Variants in SDK1 observed in about 807,000 individuals in gnomAD.
SDK1 encodes protein sidekick-1.
SDK1 carries 157 observed loss-of-function variants against 245.5 expected under a neutral mutation model. The ratio of observed to expected loss-of-function variants is 0.64; its 90% confidence interval spans 0.56 to 0.73. The LOEUF is 0.73. Ranked by LOEUF, SDK1 falls within the 30% of genes least tolerant of loss-of-function variation. The pLI is 0.00. For missense variants in SDK1, 3,583 were observed against 3,002.3 expected (o/e 1.19, Z -4.52); for synonymous variants, 1,647 against 1,278.5 (o/e 1.29, Z -6.15).
chr7:3,770,284 G>A (rs536232291), intron 4 of SDK1, among the ~76,000 whole-genome samples: 10 of 152,124 alleles, frequency 6.6e-5, no homozygotes, highest in East Asian at 1.9e-4. Context: ...ATGGCTATAC[G>A]TATTAATAAC....
chr7:3,770,796 A>C (rs1328597638), intron 4 of SDK1, among the ~76,000 whole-genome samples: 2 of 152,142 alleles, frequency 1.3e-5, no homozygotes, highest in Non-Finnish European at 2.9e-5. Context: ...ACTCCTGTTC[A>C]GCTCAGGTAA....
intron 1 of SDK1, among the ~76,000 whole-genome samples, chr7:3,381,743 G>T (rs1041218848): frequency 1.3e-5 from 2 of 152,164 alleles, no homozygotes; most frequent in Admixed American, 1.3e-4. Flanking sequence ...AAGAAGGCAG[G>T]AAAGGTGTGT....
At chr7:3,877,258 G>A (rs1007323264) in intron 5 of SDK1, among the ~76,000 whole-genome samples, 2 of 152,150 alleles carry the variant, frequency 1.3e-5, no homozygotes, top group African/African-American at 4.8e-5. Context: ...TGGAGAGTCC[G>A]CCTCTCTGAG....
At chr7:4,238,107 T>G (rs1038690766) in intron 42 of SDK1, among the ~76,000 whole-genome samples, 3 of 151,612 alleles carry the variant, frequency 2.0e-5, no homozygotes, top group African/African-American at 7.3e-5. Flanking sequence ...TTTTTTACAG[T>G]CTCACTCTGT....
At chr7:3,357,424 A>C (rs1373698918) in intron 1 of SDK1, among the ~76,000 whole-genome samples, 4 of 130,470 alleles carry the variant, frequency 3.1e-5, no homozygotes, top group Non-Finnish European at 6.1e-5. Flanking sequence ...ATCACGGCTC[A>C]CTGCAGCCTC....
At chr7:3,561,397 G>T (rs1249079625) in intron 1 of SDK1, among the ~76,000 whole-genome samples, 2 of 152,162 alleles carry the variant, frequency 1.3e-5, no homozygotes, top group Non-Finnish European at 2.9e-5. Context: ...CTCCTCTCTG[G>T]TCACTTGTTT....
In SDK1 at chr7:4,265,631, A is replaced by T. The variant is rs965196876; in HGVS notation, c.*247A>T. On this transcript the variant is annotated 3_prime_UTR_variant, in exon 45 of 45. Transcript: ENST00000404826. Reference sequence around the variant, plus strand: ...TTCTTTTCTTTTTAAGAGAAGGTGTATTTCACTGGTGCAATGGCTTGGCAC... The same window carrying T: ...TTCTTTTCTTTTTAAGAGAAGGTGTTTTTCACTGGTGCAATGGCTTGGCAC... The T allele has an allele frequency of 7.6e-7, 1 of 1,310,608 alleles. No homozygotes were observed. Among genetic ancestry groups the T allele is most frequent in the African/African-American group, 1.6e-5 (1 of 64,030 alleles). The allele number at this position is 1,310,608 out of a possible 1,614,324, so 81.2% of individuals were successfully genotyped here.
At chr7:3,622,071 G>C (rs1484172532) in intron 2 of SDK1, among the ~76,000 whole-genome samples, 1 of 152,114 alleles carries the variant, frequency 6.6e-6, no homozygotes, top group East Asian at 1.9e-4. Context: ...GCTAAACCGT[G>C]GTGTCTATGA....
intron 4 of SDK1, among the ~76,000 whole-genome samples, chr7:3,673,714 T>C (rs1783794809): frequency 6.6e-6 from 1 of 152,178 alleles, no homozygotes; most frequent in Non-Finnish European, 1.5e-5. Context: ...GGCCCAAAAC[T>C]GCGCCCCCTG....
rs200645151 is a variant in SDK1 at position 3,457,612 on chromosome 7, C to G, written c.298+155728C>G. ...CTATGTATTTATGATTAGCTCATCTCTAAACTGTATGAATTTCAGCTTAAT... is the reference window on the plus strand; with the variant it reads ...CTATGTATTTATGATTAGCTCATCTGTAAACTGTATGAATTTCAGCTTAAT... On this transcript the variant is annotated intron_variant, in intron 1 of 44. Coordinates refer to ENST00000404826, the MANE Select transcript of SDK1 (RefSeq NM_152744.4). Among the ~76,000 whole-genome samples, 5 of 152,304 alleles carry G rather than the reference C, an allele frequency of 3.3e-5. No homozygotes were observed. In the East Asian group the frequency reaches 7.7e-4, roughly 24 times the overall value.
chr7:3,342,412 AAC>A (rs1780372411), intron 1 of SDK1, among the ~76,000 whole-genome samples: 3 of 152,046 alleles, frequency 2.0e-5, no homozygotes, highest in Admixed American at 1.3e-4. Context: ...GACATGGAGA[AAC>A]ACCGTCTCTA....
intron 1 of SDK1, among the ~76,000 whole-genome samples, chr7:3,444,290 A>T (rs1419310970): frequency 2.0e-5 from 3 of 152,144 alleles, no homozygotes; most frequent in Admixed American, 2.0e-4. Context: ...TGCCTGTTGG[A>T]CATCTCCACT....
chr7:4,219,924 A>C (rs1785046104), intron 38 of SDK1, among the ~76,000 whole-genome samples, 185 bp from the exon 39 acceptor site: 2 of 151,796 alleles, frequency 1.3e-5, no homozygotes, highest in Admixed American at 6.6e-5. Flanking sequence ...TACCAAGCTT[A>C]AGCTCTAATT....
In SDK1 at chr7:4,049,396, C is replaced by T. The variant is rs1789271455; in HGVS notation, c.2651C>T (p.Thr884Ile). Residue 884 changes from threonine to isoleucine, a missense_variant, in exon 18 of 45, where the codon ACC (threonine) becomes ATC (isoleucine). Thr to Ile is a moderately conservative substitution (Grantham distance 89). Coordinates refer to ENST00000404826, the MANE Select transcript of SDK1 (RefSeq NM_152744.4). Reference sequence around the variant, plus strand: ...GTGCAGACGGAAGCCGTGAACTCCACCACCATTCAGTTCCTGTGGAACCCT... The same window carrying T: ...GTGCAGACGGAAGCCGTGAACTCCATCACCATTCAGTTCCTGTGGAACCCT... ...QNVQTEAVNS[T>I]TIQFLWNPPP... The T allele has an allele frequency of 3.7e-6, 6 of 1,614,072 alleles. No individual in the cohort carries two copies. The highest frequency in any genetic ancestry group is 4.2e-6 in the Non-Finnish European group (5 of 1,180,040).
chr7:3,432,254 G>A (rs1354426713), intron 1 of SDK1, among the ~76,000 whole-genome samples: 1 of 151,310 alleles, frequency 6.6e-6, no homozygotes, highest in African/African-American at 2.4e-5. Flanking sequence ...CTGTATTTTG[G>A]CTATCGTGAT....
At chr7:3,608,913 G>A (rs1457149062) in intron 1 of SDK1, among the ~76,000 whole-genome samples, 1 of 152,130 alleles carries the variant, frequency 6.6e-6, no homozygotes, top group Admixed American at 6.6e-5. Context: ...CATGTATCTG[G>A]GAGGCTGTAT....
Position 4,133,971 on chromosome 7 carries a change from C to T in SDK1, c.4228+1548C>T, listed in dbSNP as rs115823064. On this transcript the variant is annotated intron_variant, in intron 28 of 44. Coordinates refer to ENST00000404826, the MANE Select transcript of SDK1 (RefSeq NM_152744.4). The stretch of plus-strand genomic sequence containing the variant: ...TTGGTTTGAAGAAAGAGTTTCACAT[C>T]ACTAAAAAAAAGTTTGGAGGCCTGT... Among the ~76,000 whole-genome samples the T allele has an allele frequency of 2.5e-3, 376 of 152,244 alleles. 2 individuals are homozygous for T. Among genetic ancestry groups the T allele is most frequent in the African/African-American group, 8.7e-3 (362 of 41,544 alleles).
Position 3,570,647 on chromosome 7 carries a change from A to G in SDK1, c.299-48433A>G, listed in dbSNP as rs557627421. Among the ~76,000 whole-genome samples, 4 of 152,344 alleles carry G rather than the reference A, an allele frequency of 2.6e-5. No homozygotes were observed. In the East Asian group the frequency reaches 5.8e-4, roughly 22 times the overall value. On this transcript the variant is annotated intron_variant, in intron 1 of 44. Coordinates refer to ENST00000404826, the MANE Select transcript of SDK1 (RefSeq NM_152744.4). Reference sequence around the variant, plus strand: ...TCTAATGATAGGTTAATTCATAACAACATGATCATTAACTTATGTCACAGT... The same window carrying G: ...TCTAATGATAGGTTAATTCATAACAGCATGATCATTAACTTATGTCACAGT...
intron 2 of SDK1, among the ~76,000 whole-genome samples, chr7:3,638,031 A>G (rs901575198): frequency 6.6e-6 from 1 of 152,276 alleles, no homozygotes; most frequent in East Asian, 1.9e-4. Flanking sequence ...AGAGAATTAT[A>G]AACGATTTTT....
Sources: allele counts gnomAD v4.1 joint callset (sites outside exome capture counted in the v4.1 genomes callset), GRCh38; gene constraint gnomAD v4.1.1; transcripts MANE v1.5; gene names NCBI Gene and HGNC (gene_info 2026-07-23, HGNC 2026-07-21).